SLC26A7: variants seen among roughly 807,000 people sequenced by gnomAD.
The protein encoded by SLC26A7 is anion exchange transporter.
SLC26A7 carries 59 observed loss-of-function variants against 82.5 expected under a neutral mutation model. The observed-to-expected ratio is 0.72, with a 90% CI of 0.58 to 0.89. The LOEUF (loss-of-function observed/expected upper bound fraction) is 0.89. Ranked by LOEUF, SLC26A7 falls within the 40% of genes least tolerant of loss-of-function variation. The pLI is 0.00. For synonymous variants in SLC26A7, 271 were observed against 274.3 expected, an observed-to-expected ratio of 0.99 and a Z score of 0.12; for missense variants, 820 against 793.0, an observed-to-expected ratio of 1.03 and a Z score of -0.41.
intron 4 of SLC26A7, among the ~76,000 whole-genome samples, chr8:91,307,860 A>G (rs1812365535): frequency 6.7e-6 from 1 of 149,092 alleles, no homozygotes; most frequent in Admixed American, 6.7e-5. Flanking sequence ...AAAATGCTAG[A>G]CCAATTTTTA....
chr8:91,334,877 A>G (rs924504691), intron 6 of SLC26A7, among the ~76,000 whole-genome samples: 1 of 152,134 alleles, frequency 6.6e-6, no homozygotes, highest in Non-Finnish European at 1.5e-5. Flanking sequence ...TTCATGATTG[A>G]AAGGTTTTGT....
chr8:91,354,896 C>G (rs1022264467), intron 11 of SLC26A7, among the ~76,000 whole-genome samples: 3 of 151,740 alleles, frequency 2.0e-5, no homozygotes, highest in Non-Finnish European at 4.4e-5. Context: ...TAGTGGTTAC[C>G]TTTAATCTTT....
At chr8:91,278,889 A>T (rs1055197815) in intron 2 of SLC26A7, among the ~76,000 whole-genome samples, 1 of 151,784 alleles carries the variant, frequency 6.6e-6, no homozygotes, top group South Asian at 2.1e-4. Flanking sequence ...TGACCAACAT[A>T]TCTCCAATTC....
intron 5 of SLC26A7, among the ~76,000 whole-genome samples, chr8:91,321,916 T>C (rs916184853): frequency 6.6e-6 from 1 of 152,128 alleles, no homozygotes; most frequent in African/African-American, 2.4e-5. Flanking sequence ...GTCTGTTTTG[T>C]GCACTGATGA....
intron 13 of SLC26A7, among the ~76,000 whole-genome samples, chr8:91,364,334 C>T (rs1394422114): frequency 1.3e-5 from 2 of 152,082 alleles, no homozygotes; most frequent in African/African-American, 4.8e-5. Context: ...AACTGGCCTC[C>T]CACCAGAAGG....
chr8:91,334,148 C>G, intron 5 of SLC26A7, 147 bp from the exon 6 acceptor site: 1 of 704,798 alleles, frequency 1.4e-6, no homozygotes, highest in Non-Finnish European at 2.3e-6. Flanking sequence ...AGCATTAGCA[C>G]TGACTACCCG....
chr8:91,302,128 AT>A (rs1224523548), intron 4 of SLC26A7, among the ~76,000 whole-genome samples: 1 of 152,028 alleles, frequency 6.6e-6, no homozygotes, highest in East Asian at 1.9e-4. Flanking sequence ...CTGTATAATC[AT>A]TTTTTTGTGA....
chr8:91,382,853 C>A (rs977225270), intron 15 of SLC26A7, among the ~76,000 whole-genome samples: 1 of 152,148 alleles, frequency 6.6e-6, no homozygotes, highest in African/African-American at 2.4e-5. Context: ...AGGTAATAGG[C>A]AAACGCTCTA....
chr8:91,285,128 G>C (rs1463046293), intron 2 of SLC26A7, among the ~76,000 whole-genome samples: 1 of 152,250 alleles, frequency 6.6e-6, no homozygotes. Flanking sequence ...GCTTCTGGTG[G>C]TTTGCTGGCA....
At chr8:91,371,898 T>C (rs566051311) in intron 15 of SLC26A7, among the ~76,000 whole-genome samples, 1 of 152,080 alleles carries the variant, frequency 6.6e-6, no homozygotes, top group East Asian at 1.9e-4. Context: ...CTTACCAACA[T>C]CTGTTAGTTT....
intron 2 of SLC26A7, among the ~76,000 whole-genome samples, chr8:91,234,385 T>C (rs998225115): frequency 2.0e-5 from 3 of 152,198 alleles, no homozygotes; most frequent in Non-Finnish European, 4.4e-5. Flanking sequence ...CTAGGTCTCT[T>C]AAGAAGTAGA....
intron 2 of SLC26A7, among the ~76,000 whole-genome samples, chr8:91,274,878 A>G (rs914182153): frequency 2.0e-5 from 3 of 152,208 alleles, no homozygotes; most frequent in Admixed American, 6.5e-5. Context: ...TCTTTCAAAA[A>G]CAATTCGGTT....
chr8:91,374,012 T>G (rs1048797530), intron 15 of SLC26A7, among the ~76,000 whole-genome samples: 1 of 152,060 alleles, frequency 6.6e-6, no homozygotes, highest in African/African-American at 2.4e-5. Context: ...TTTGTGTGCA[T>G]GGAGATGGTC....
intron 2 of SLC26A7, among the ~76,000 whole-genome samples, chr8:91,279,318 T>C (rs1224699644): frequency 6.6e-6 from 1 of 151,714 alleles, no homozygotes; most frequent in Admixed American, 6.6e-5. Context: ...TGCCCAGTAG[T>C]GGAGTTGCTG....
intron 2 of SLC26A7, among the ~76,000 whole-genome samples, chr8:91,228,999 T>C (rs1455050674): frequency 2.0e-5 from 3 of 152,232 alleles, no homozygotes; most frequent in Non-Finnish European, 4.4e-5. Flanking sequence ...AAGGAAGACA[T>C]TATCCAAACT....
intron 3 of SLC26A7, among the ~76,000 whole-genome samples, chr8:91,292,087 C>A (rs1381386199): frequency 3.9e-5 from 6 of 152,042 alleles, no homozygotes; most frequent in Non-Finnish European, 7.4e-5. Flanking sequence ...AGGCAGATCA[C>A]AAGGTCAGGA....
In SLC26A7 at chr8:91,308,562, A is replaced by C. The variant is rs142171883; in HGVS notation, c.478-9654A>C. Among the ~76,000 whole-genome samples, 377 of 152,200 alleles carry C rather than the reference A, an allele frequency of 2.5e-3. 1 individual carries two copies. Among genetic ancestry groups the C allele is most frequent in the Admixed American group, 6.6e-3 (101 of 15,272 alleles). ...CAGTTACTCTATTTTCTCCCTTTCCATACTGTATTCTGTGGAAATAAGTCA... is the reference window on the plus strand; with the variant it reads ...CAGTTACTCTATTTTCTCCCTTTCCCTACTGTATTCTGTGGAAATAAGTCA... On this transcript the variant is annotated intron_variant, in intron 4 of 18. Transcript: ENST00000276609.
intron 15 of SLC26A7, among the ~76,000 whole-genome samples, chr8:91,380,068 A>G (rs1427049062): frequency 5.9e-5 from 9 of 152,072 alleles, no homozygotes; most frequent in Non-Finnish European, 2.9e-5. Flanking sequence ...TATTATTCAC[A>G]GCTATTATTG....
intron 13 of SLC26A7, among the ~76,000 whole-genome samples, 170 bp downstream of exon 13, chr8:91,363,708 A>C (rs1275428974): frequency 6.6e-6 from 1 of 152,132 alleles, no homozygotes; most frequent in African/African-American, 2.4e-5. Flanking sequence ...GGCAAACTAC[A>C]TGCAACAAAT....
Sources: gnomAD v4.1 joint callset for allele counts (sites outside exome capture counted in the v4.1 genomes callset) on GRCh38, gnomAD v4.1.1 for gene constraint, MANE v1.5 for transcripts, NCBI Gene and HGNC (gene_info 2026-07-23, HGNC 2026-07-21) for gene names.